Variants in GCM2 observed in about 807,000 individuals in gnomAD.
The protein encoded by GCM2 is chorion-specific transcription factor GCMb.
GCM2 carries 21 observed loss-of-function variants against 24.8 expected under a neutral mutation model. The observed-to-expected ratio is 0.85, with a 90% CI of 0.60 to 1.22. GCM2 has a LOEUF of 1.22. GCM2 is among the 50% of genes most tolerant of loss of function. The pLI, the probability that GCM2 is intolerant of heterozygous loss-of-function variation, is 0.00. For missense variants in GCM2, 532 were observed against 645.6 expected (o/e 0.82, Z 1.91); for synonymous variants, 222 against 238.0 (o/e 0.93, Z 0.62).
At chr6:10,876,226 A>C (rs1472607089) in intron 3 of GCM2, among the ~76,000 whole-genome samples, 1 of 152,200 alleles carries the variant, frequency 6.6e-6, no homozygotes, top group Non-Finnish European at 1.5e-5. Flanking sequence ...CTATTAAAAG[A>C]ACTATAACTT....
intron 1 of GCM2, among the ~76,000 whole-genome samples, chr6:10,879,264 T>C (rs954042209): frequency 1.3e-5 from 2 of 152,176 alleles, no homozygotes; most frequent in African/African-American, 4.8e-5. Flanking sequence ...AACTTAAGGA[T>C]CTTAGTAACA....
chr6:10,878,959 T>A (rs1382992128), intron 1 of GCM2, among the ~76,000 whole-genome samples: 1 of 152,140 alleles, frequency 6.6e-6, no homozygotes, highest in African/African-American at 2.4e-5. Context: ...GAAAATTAGA[T>A]CAAACATTTG....
chr6:10,874,709 A>G lies in GCM2; in HGVS notation c.807T>C (p.Pro269=). The G allele has an allele frequency of 6.2e-7, 1 of 1,614,140 alleles. No homozygotes were observed. The highest frequency in any genetic ancestry group is 8.5e-7 in the Non-Finnish European group (1 of 1,179,984). The change falls in exon 5 of 5, where the codon CCT becomes CCC. Residue 269 remains proline, a synonymous_variant. Transcript: ENST00000379491. ...QKYSSPRIYL[P]RPPCSYELAN... Reference sequence around the variant, plus strand: ...CCAATTCATAGCTGCAAGGTGGCCTAGGCAAATAGATTCTTGGGCTTGAGT... The same window carrying G: ...CCAATTCATAGCTGCAAGGTGGCCTGGGCAAATAGATTCTTGGGCTTGAGT...
intron 4 of GCM2, among the ~76,000 whole-genome samples, chr6:10,875,357 T>A (rs1280393631): frequency 6.6e-6 from 1 of 152,254 alleles, no homozygotes; most frequent in Non-Finnish European, 1.5e-5. Flanking sequence ...AACCTCATTA[T>A]AAGGTTTCTG....
chr6:10,881,552 G>T, intron 1 of GCM2, 152 bp downstream of exon 1: 1 of 402,646 alleles, frequency 2.5e-6, no homozygotes, highest in Non-Finnish European at 4.5e-6. Flanking sequence ...AATTTTGCGG[G>T]TATGTGTGTG....
chr6:10,881,566 G>A, intron 1 of GCM2, 138 bp downstream of exon 1: 2 of 201,380 alleles, frequency 9.9e-6, no homozygotes, highest in Non-Finnish European at 2.1e-5. Flanking sequence ...GTGTGTGTGT[G>A]TGTGTGTGTG....
At position 10,875,946 on chromosome 6, in the gene GCM2, T is replaced by C; in HGVS notation, c.527A>G (p.Lys176Arg). Residue 176 changes from lysine to arginine, a missense_variant, in exon 4 of 5, where the codon AAG becomes AGG. By Grantham distance (26) the Lys-to-Arg change is conservative. This residue lies in a region of GCM2 where 434 missense variants were observed against 521.9 expected (regional missense o/e 0.83). Coordinates refer to ENST00000379491, the MANE Select transcript of GCM2 (RefSeq NM_004752.4). ...SETEARRSAI[K>R]RQMASFYQPQ... ...TTGGTAGAAAGAGGCCATTTGTCTC[T>C]TGATGGCGCTTCTTCTAGCTTCTGT... 1 of 1,613,844 alleles carries C rather than the reference T, an allele frequency of 6.2e-7. No homozygotes were observed. The highest frequency in any genetic ancestry group is 8.5e-7 in the Non-Finnish European group (1 of 1,179,698).
At chr6:10,881,612 T>A in intron 1 of GCM2, 92 bp downstream of exon 1, 2 of 660,374 alleles carry the variant, frequency 3.0e-6, no homozygotes, top group Non-Finnish European at 2.7e-6. Context: ...GTGTGTATGG[T>A]CCGTCCGCAG....
chr6:10,876,879 C>T (rs1561672247), intron 2 of GCM2, among the ~76,000 whole-genome samples: 1 of 152,156 alleles, frequency 6.6e-6, no homozygotes, highest in Non-Finnish European at 1.5e-5. Context: ...GCCTGACCAA[C>T]ATGGAGAAAC....
At chr6:10,874,978 T>C (rs777918647) in intron 4 of GCM2, 45 bp from the exon 5 acceptor site, 1 of 1,316,646 alleles carries the variant, frequency 7.6e-7, no homozygotes, top group South Asian at 1.2e-5. Context: ...GTAAATCGTG[T>C]GGACACCCTC....
In GCM2 at chr6:10,874,140, G is replaced by T. The variant is rs555770771; in HGVS notation, c.1376C>A (p.Pro459His). ...TGGCTCGTGGGGAATAGCCACAGTG[G>T]GTCTGATGGCCCGGCAATCTCCTGC... ...KIAGDCRAIR[P>H]TVAIPHEPVS... The change falls in exon 5 of 5, where the codon CCC (proline) becomes CAC (histidine). Residue 459 changes from proline (P) to histidine (H), a missense_variant. This residue lies in a region of GCM2 where 434 missense variants were observed against 521.9 expected (regional missense o/e 0.83). Coordinates refer to ENST00000379491, the MANE Select transcript of GCM2 (RefSeq NM_004752.4). The T allele has an allele frequency of 2.5e-6, 4 of 1,614,184 alleles. No homozygotes were observed. The South Asian group carries it at 4.4e-5, about 18-fold the overall frequency.
Position 10,874,107 on chromosome 6 carries a change from G to C in GCM2, c.1409C>G (p.Ser470Cys). The C allele has an allele frequency of 1.2e-6, 2 of 1,614,224 alleles. No individual in the cohort carries two copies. Among genetic ancestry groups the C allele is most frequent in the South Asian group, 1.1e-5 (1 of 91,082 alleles). Residue 470 changes from serine (S) to cysteine (C), a missense_variant, in exon 5 of 5, where the codon TCT becomes TGT. This residue lies in a region of GCM2 where 434 missense variants were observed against 521.9 expected (regional missense o/e 0.83). Transcript: ENST00000379491. ...CCAAGTCTCTGCTTCATCTGTCCTA[G>C]AGGAAACTGGCTCGTGGGGAATAGC... ...TVAIPHEPVS[S>C]RTDEAETWDV...
chr6:10,878,372 G>A (rs181778719), intron 1 of GCM2, among the ~76,000 whole-genome samples: 1 of 152,214 alleles, frequency 6.6e-6, no homozygotes, highest in African/African-American at 2.4e-5. Context: ...AGGCTGGAGT[G>A]TAGTAGCATG....
chr6:10,878,321 CTTTT>C (rs1222163521), intron 1 of GCM2, among the ~76,000 whole-genome samples: 6 of 152,006 alleles, frequency 3.9e-5, no homozygotes, highest in Non-Finnish European at 8.8e-5. Context: ...TGAGCACTTC[CTTTT>C]TTCTTTTTTT....
rs139044332 is a variant in GCM2 at position 10,874,472 on chromosome 6, A to G, written c.1044T>C (p.His348=). The G allele has an allele frequency of 3.9e-5, 63 of 1,614,174 alleles. No individual in the cohort carries two copies. The African/African-American group carries it at 4.9e-4, about 13-fold the overall frequency. ...GAGTGGCCATGGCCTGAAACTGCCC[A>G]TGGTTAGTCCTTTCCACAAGGCTGG... is the stretch of plus-strand genomic sequence containing the variant. The part of the protein sequence containing the change: ...GKPSLVERTN[H]GQFQAMATRP... Residue 348 remains histidine (H), a synonymous_variant, in exon 5 of 5, where the codon CAT becomes CAC. Coordinates refer to ENST00000379491, the MANE Select transcript of GCM2 (RefSeq NM_004752.4).
Position 10,874,028 on chromosome 6 carries a change from A to G in GCM2, c.1488T>C (p.Gly496=), listed in dbSNP as rs754829791. Residue 496 remains glycine, a synonymous_variant, in exon 5 of 5, where the codon GGT becomes GGC. Transcript: ENST00000379491. ...GSAVSYSDRV[G]PFFTYNNEDF ...CCTCATTGTTGTAGGTAAAGAAGGGACCCACTCTGTCTGAGTAACTGACTG... is the reference window on the plus strand; with the variant it reads ...CCTCATTGTTGTAGGTAAAGAAGGGGCCCACTCTGTCTGAGTAACTGACTG... 24 of 1,613,976 alleles carry G rather than the reference A, an allele frequency of 1.5e-5. No individual in the cohort carries two copies. The highest frequency in any genetic ancestry group is 3.3e-5 in the Admixed American group (2 of 59,996).
Position 10,875,883 on chromosome 6 carries a change from C to T in GCM2, c.582+8G>A, listed in dbSNP as rs1478626013. The T allele has an allele frequency of 6.2e-7, 1 of 1,613,872 alleles. No homozygotes were observed. Reference sequence around the variant, plus strand: ...TGAGACCACTGTGCACTATCAGCTCCCTGTTACCTCGGATTCTCGAATTCT... The same window carrying T: ...TGAGACCACTGTGCACTATCAGCTCTCTGTTACCTCGGATTCTCGAATTCT... On this transcript the variant is annotated splice_region_variant and intron_variant, in intron 4 of 4. Coordinates refer to ENST00000379491, the MANE Select transcript of GCM2 (RefSeq NM_004752.4).
chr6:10,880,147 C>T (rs1051678582), intron 1 of GCM2, among the ~76,000 whole-genome samples: 10 of 152,080 alleles, frequency 6.6e-5, no homozygotes, highest in African/African-American at 2.4e-4. Context: ...CCCAGCTACT[C>T]GGGAAGCTGA....
rs1261173334 is a variant in GCM2 at position 10,874,439 on chromosome 6, A to G, written c.1077T>C (p.Tyr359=). The G allele has an allele frequency of 6.2e-7, 1 of 1,614,166 alleles. No individual in the cohort carries two copies. Residue 359 remains tyrosine (Y), a synonymous_variant, in exon 5 of 5, where the codon TAT becomes TAC. Transcript: ENST00000379491. ...ACCTGCAGGGAAGCTCTGGGTTATAATAAGGGCGAGTGGCCATGGCCTGAA... is the reference window on the plus strand; with the variant it reads ...ACCTGCAGGGAAGCTCTGGGTTATAGTAAGGGCGAGTGGCCATGGCCTGAA... ...GQFQAMATRP[Y]YNPELPCRYL...
Sources: allele counts gnomAD v4.1 joint callset (sites outside exome capture counted in the v4.1 genomes callset), GRCh38; gene constraint gnomAD v4.1.1; regional missense constraint gnomAD v4.1.1; transcripts MANE v1.5; gene names NCBI Gene and HGNC (gene_info 2026-07-23, HGNC 2026-07-21).